ERAP1: variants seen among roughly 807,000 people sequenced by gnomAD.
ERAP1 encodes the protein endoplasmic reticulum aminopeptidase 1.
Under a neutral mutation model 103.7 loss-of-function variants are expected in ERAP1, and 86 were observed. The ratio of observed to expected loss-of-function variants is 0.83; its 90% CI spans 0.70 to 0.99. The LOEUF (loss-of-function observed/expected upper bound fraction) is 0.99. ERAP1 is among the 50% of genes least tolerant of loss of function. ERAP1 has a pLI of 0.00. For synonymous variants in ERAP1, 398 were observed against 402.4 expected, an observed-to-expected ratio of 0.99 and a Z score of 0.13; for missense variants, 1,009 against 1,128.4, an observed-to-expected ratio of 0.89 and a Z score of 1.52.
chr5:96,879,628 C>T, the ERAP1 span: 1 of 1,416,688 alleles, frequency 7.1e-7, no homozygotes. Flanking sequence ...CAGTGCAGTG[C>T]CATGAAGAAC....
At chr5:96,903,681 A>C in the ERAP1 span, 2 of 908,994 alleles carry the variant, frequency 2.2e-6, no homozygotes, top group Non-Finnish European at 3.2e-6. Flanking sequence ...ATGGAATTCA[A>C]ACAGTGATCA....
At chr5:96,781,376 T>TTA (rs1379548153) in intron 16 of ERAP1, among the ~76,000 whole-genome samples, 178 bp from the exon 17 acceptor site, 1 of 152,028 alleles carries the variant, frequency 6.6e-6, no homozygotes, top group African/African-American at 2.4e-5. Flanking sequence ...AAACTAACAT[T>TTA]TATATAGTGT....
At chr5:96,839,613 C>T in the ERAP1 span, among the ~76,000 whole-genome samples, 3 of 152,180 alleles carry the variant, frequency 2.0e-5, no homozygotes, top group Non-Finnish European at 2.9e-5. Context: ...TATATCGACA[C>T]GGTCCACAGG....
At chr5:96,873,904 A>C in the ERAP1 span, among the ~76,000 whole-genome samples, 1 of 152,068 alleles carries the variant, frequency 6.6e-6, no homozygotes. Context: ...GCTAAGAAGA[A>C]ACAAAAAGCA....
the ERAP1 span, chr5:96,918,842 T>A: frequency 6.6e-6 from 1 of 152,230 alleles, no homozygotes; most frequent in Admixed American, 6.5e-5. Flanking sequence ...GCACCATATT[T>A]TATAACCCAG....
the ERAP1 span, among the ~76,000 whole-genome samples, chr5:96,840,939 C>T: frequency 1.4e-4 from 22 of 151,920 alleles, no homozygotes; most frequent in Non-Finnish European, 3.2e-4. Context: ...CTCCTGACCT[C>T]GTGATCCGCC....
chr5:96,931,951 A>G, the ERAP1 span, among the ~76,000 whole-genome samples: 56,806 of 152,066 alleles, frequency 0.37, 10,782 homozygotes, highest in Non-Finnish European at 0.42. Flanking sequence ...AACTAGTTTT[A>G]CTCAGAGTTT....
the ERAP1 span, among the ~76,000 whole-genome samples, chr5:96,833,464 G>A: frequency 6.6e-6 from 1 of 152,158 alleles, no homozygotes; most frequent in Non-Finnish European, 1.5e-5. Context: ...GATCAAAATG[G>A]TGTCAAGATA....
At chr5:96,798,871 C>CTTTTTTTCT (rs1777659927) in intron 3 of ERAP1, among the ~76,000 whole-genome samples, 1 of 124,878 alleles carries the variant, frequency 8.0e-6, no homozygotes, top group Non-Finnish European at 1.6e-5. Context: ...CAAAAATTTC[C>CTTTTTTTCT]TTTTTTTTTT....
the ERAP1 span, among the ~76,000 whole-genome samples, chr5:96,893,426 T>G: frequency 6.6e-6 from 1 of 152,214 alleles, no homozygotes; most frequent in African/African-American, 2.4e-5. Context: ...AGAGCCATGC[T>G]CAACACTGTG....
intron 10 of ERAP1, among the ~76,000 whole-genome samples, chr5:96,789,343 C>A (rs545624607): frequency 5.3e-5 from 8 of 152,000 alleles, no homozygotes; most frequent in Non-Finnish European, 7.4e-5. Flanking sequence ...AAAAATTAAC[C>A]GGGTGTAGTG....
intron 14 of ERAP1, 53 bp downstream of exon 14, chr5:96,783,871 T>A: frequency 1.6e-6 from 2 of 1,276,726 alleles, no homozygotes; most frequent in Non-Finnish European, 2.1e-6. Context: ...ACACAATGAT[T>A]AACACTTTTT....
chr5:96,893,164 C>T, the ERAP1 span, among the ~76,000 whole-genome samples: 1 of 152,090 alleles, frequency 6.6e-6, no homozygotes, highest in Non-Finnish European at 1.5e-5. Flanking sequence ...GTATTACATA[C>T]AAATGTGGAA....
chr5:96,879,921 A>T, the ERAP1 span: 26 of 1,613,910 alleles, frequency 1.6e-5, no homozygotes, highest in African/African-American at 3.3e-4. Context: ...CTCCATTATG[A>T]CCTCTTTGTC....
At chr5:96,847,733 A>G in the ERAP1 span, among the ~76,000 whole-genome samples, 2 of 152,238 alleles carry the variant, frequency 1.3e-5, no homozygotes, top group Non-Finnish European at 2.9e-5. Context: ...ATTGGGTCAA[A>G]GAAGAAATTA....
the ERAP1 span, among the ~76,000 whole-genome samples, chr5:96,915,174 A>AT: frequency 1.3e-5 from 2 of 151,902 alleles, no homozygotes; most frequent in African/African-American, 2.4e-5. Flanking sequence ...TGCCCAGCTA[A>AT]TTTTTTTGTA....
the ERAP1 span, chr5:96,823,143 A>G: frequency 1.1e-5 from 5 of 456,184 alleles, no homozygotes; most frequent in South Asian, 7.7e-5. Context: ...AGCAAGGGAG[A>G]CAGAGACTCC....
intron 19 of ERAP1, chr5:96,767,522 T>C: frequency 2.0e-6 from 3 of 1,532,660 alleles, no homozygotes; most frequent in Non-Finnish European, 2.7e-6. Context: ...AATTTTGTTT[T>C]ATTCTAGCCA....
the ERAP1 span, among the ~76,000 whole-genome samples, chr5:96,873,986 GTC>G: frequency 3.1e-4 from 47 of 152,040 alleles, no homozygotes; most frequent in Admixed American, 3.0e-3. Flanking sequence ...AACAAGGAGG[GTC>G]TCTCTGAGTA....
Sources: gnomAD v4.1 joint callset for allele counts (sites outside exome capture counted in the v4.1 genomes callset) on GRCh38, gnomAD v4.1.1 for gene constraint, MANE v1.5 for transcripts, NCBI Gene and HGNC (gene_info 2026-07-23, HGNC 2026-07-21) for gene names.